SLC20A2: variants seen among roughly 807,000 people sequenced by gnomAD.
SLC20A2 encodes the protein sodium-dependent phosphate transporter 2.
SLC20A2 carries 30 observed loss-of-function variants against 61.0 expected under a neutral mutation model. The observed-to-expected ratio is 0.49, with a 90% CI of 0.37 to 0.67. The LOEUF is 0.67. Among genes scored for constraint, SLC20A2 ranks in the 30% least tolerant of loss-of-function variants. The probability of loss-of-function intolerance (pLI) is 0.00; values close to 1 mark genes in which losing one functional copy is unlikely to be tolerated. For missense variants in SLC20A2, 626 were observed against 866.4 expected, an observed-to-expected ratio of 0.72 and a Z score of 3.48; for synonymous variants, 351 against 353.3, an observed-to-expected ratio of 0.99 and a Z score of 0.07.
chr8:42,442,912 A>G (rs925183695), intron 6 of SLC20A2, among the ~76,000 whole-genome samples: 1 of 152,186 alleles, frequency 6.6e-6, no homozygotes, highest in African/African-American at 2.4e-5. Context: ...GTACATGCTG[A>G]GACCAAATGT....
intron 1 of SLC20A2, among the ~76,000 whole-genome samples, chr8:42,540,313 A>G (rs1813015767): frequency 6.6e-6 from 1 of 152,168 alleles, no homozygotes; most frequent in Admixed American, 6.5e-5. Flanking sequence ...CAATAACAAT[A>G]ATGTACACGT....
chr8:42,526,424 A>G (rs781496226), intron 1 of SLC20A2, among the ~76,000 whole-genome samples: 1 of 152,066 alleles, frequency 6.6e-6, no homozygotes, highest in Non-Finnish European at 1.5e-5. Context: ...CTGTAATCCC[A>G]GGACTTTGGG....
intron 2 of SLC20A2, among the ~76,000 whole-genome samples, chr8:42,468,692 C>T (rs1186096508): frequency 6.9e-6 from 1 of 145,442 alleles, no homozygotes; most frequent in Admixed American, 7.2e-5. Context: ...CATTCCCGTG[C>T]AGATGAAAGA....
chr8:42,482,835 G>T (rs916753928), intron 1 of SLC20A2, among the ~76,000 whole-genome samples: 1 of 152,046 alleles, frequency 6.6e-6, no homozygotes, highest in African/African-American at 2.4e-5. Flanking sequence ...AGACCAGCCT[G>T]GCCAACATGG....
chr8:42,471,965 A>C, intron 2 of SLC20A2, 137 bp downstream of exon 2: 1 of 712,768 alleles, frequency 1.4e-6, no homozygotes, highest in Non-Finnish European at 2.4e-6. Context: ...AAGCAAAAAT[A>C]AGAGAGTAAA....
intron 1 of SLC20A2, among the ~76,000 whole-genome samples, chr8:42,537,366 G>A (rs1326632475): frequency 1.2e-5 from 1 of 86,730 alleles, no homozygotes; most frequent in African/African-American, 5.0e-5. Context: ...GTGAGACCCT[G>A]TCTCAAAAAA....
Position 42,417,158 on chromosome 8 carries a change from TA to T in SLC20A2, c.*644del, listed in dbSNP as rs1353449504. The T allele has an allele frequency of 6.5e-6, 1 of 152,760 alleles. No individual in the cohort carries two copies. Among genetic ancestry groups the T allele is most frequent in the South Asian group, 2.1e-4 (1 of 4,838 alleles). 9.5% of individuals were successfully genotyped at this position (152,760 alleles called of 1,614,324 possible). Reference sequence around the variant, plus strand: ...AAAAAGTATAAGGGAAGCACACCATTAAAAAATTACAGTTTTACGTATTTAC... The same window carrying T: ...AAAAAGTATAAGGGAAGCACACCATTAAAAATTACAGTTTTACGTATTTAC... On this transcript the variant is annotated 3_prime_UTR_variant, in exon 11 of 11. Transcript: ENST00000520262.
intron 1 of SLC20A2, among the ~76,000 whole-genome samples, chr8:42,494,339 T>A (rs1207464368): frequency 1.3e-5 from 2 of 151,752 alleles, no homozygotes; most frequent in Admixed American, 6.6e-5. Context: ...AAATATAAAG[T>A]CAAAATAAAA....
rs377123419 is a variant in SLC20A2, at chr8:42,430,105, G to C, written c.1668C>G (p.Ile556Met). The C allele has an allele frequency of 6.2e-7, 1 of 1,613,570 alleles. No homozygotes were observed. The highest frequency in any genetic ancestry group is 8.5e-7 in the Non-Finnish European group (1 of 1,179,856). Reference sequence around the variant, plus strand: ...GAGTGAGGTCCTTCCCCATGGTCTGGATCACTCTTCTCCCCCAGACCCAGA... The same window carrying C: ...GAGTGAGGTCCTTCCCCATGGTCTGCATCACTCTTCTCCCCCAGACCCAGA... Reference protein sequence around the residue: ...TGLWVWGRRVIQTMGKDLTPI... With the variant: ...TGLWVWGRRVMQTMGKDLTPI... The change falls in exon 9 of 11, where the codon ATC becomes ATG. Residue 556 changes from isoleucine (I) to methionine (M), a missense_variant. Ile to Met is a conservative substitution (Grantham distance 10). Around this residue, in one of 3 missense-constraint regions of SLC20A2, gnomAD observed 138 missense variants for 228.7 expected, o/e 0.60. Coordinates refer to ENST00000520262, the MANE Select transcript of SLC20A2 (RefSeq NM_001257180.2).
chr8:42,507,816 G>T (rs1810796084), intron 1 of SLC20A2, among the ~76,000 whole-genome samples: 1 of 152,174 alleles, frequency 6.6e-6, no homozygotes, highest in Admixed American at 6.5e-5. Context: ...AAAGTTAAAA[G>T]TTCATTCCAA....
chr8:42,539,470 C>G (rs1291855499), intron 1 of SLC20A2, among the ~76,000 whole-genome samples: 1 of 152,166 alleles, frequency 6.6e-6, no homozygotes, highest in Non-Finnish European at 1.5e-5. Context: ...CAATACTAAG[C>G]ATATGTTCAA....
upstream of SLC20A2, among the ~76,000 whole-genome samples, chr8:42,503,105 A>G (rs370653037): frequency 7.9e-5 from 12 of 152,340 alleles, no homozygotes; most frequent in South Asian, 1.5e-3. Flanking sequence ...TATGCCTAGT[A>G]TGACTCTGCT....
chr8:42,426,480 G>A (rs1563439663), intron 10 of SLC20A2, among the ~76,000 whole-genome samples: 1 of 152,228 alleles, frequency 6.6e-6, no homozygotes, highest in Non-Finnish European at 1.5e-5. Context: ...CAGATCACCT[G>A]AGGTCAGGAG....
chr8:42,534,103 G>C (rs918702175), intron 1 of SLC20A2, among the ~76,000 whole-genome samples: 1 of 151,944 alleles, frequency 6.6e-6, no homozygotes, highest in African/African-American at 2.4e-5. Flanking sequence ...GATCACCTGA[G>C]GTTGCGAGTT....
chr8:42,528,121 G>A (rs564591809), intron 1 of SLC20A2, among the ~76,000 whole-genome samples: 14 of 152,246 alleles, frequency 9.2e-5, no homozygotes, highest in African/African-American at 3.4e-4. Flanking sequence ...TTTGGAAAAG[G>A]TGTATACCAC....
At position 42,459,989 on chromosome 8, in the gene SLC20A2, C is replaced by A. The variant is rs748986588; in HGVS notation, c.520G>T (p.Asp174Tyr). ...LIRIFILKKE[D>Y]PVPNGLRALP... is the part of the protein sequence containing the mutation. ...GCCCGGAGGCCATTGGGAACAGGGT[C>A]TTCCTGTAGGAAGACAAGGAGACAG... The change falls in exon 5 of 11, where the codon GAC becomes TAC. Residue 174 changes from aspartate (D) to tyrosine (Y), a missense_variant. By Grantham distance (160) the Asp-to-Tyr change is radical. Around this residue, in one of 3 missense-constraint regions of SLC20A2, gnomAD observed 361 missense variants for 422.3 expected, o/e 0.85. Coordinates refer to ENST00000520262, the MANE Select transcript of SLC20A2 (RefSeq NM_001257180.2). 23 of 1,594,224 alleles carry A rather than the reference C, an allele frequency of 1.4e-5. No individual in the cohort carries two copies. Among genetic ancestry groups the A allele is most frequent in the Non-Finnish European group, 1.9e-5 (22 of 1,162,648 alleles).
At chr8:42,502,044 T>G (rs575547599), upstream of SLC20A2, among the ~76,000 whole-genome samples, 3 of 152,362 alleles carry the variant, frequency 2.0e-5, no homozygotes, top group South Asian at 4.1e-4. Flanking sequence ...TAGTTTGCTT[T>G]AGACTAAGTT....
At chr8:42,518,294 G>C (rs1329282052) in intron 1 of SLC20A2, among the ~76,000 whole-genome samples, 1 of 152,134 alleles carries the variant, frequency 6.6e-6, no homozygotes, top group East Asian at 1.9e-4. Flanking sequence ...TCCATTCACA[G>C]GGAAATGGTT....
In SLC20A2 at chr8:42,472,834, A is replaced by C. The variant is rs1807754234; in HGVS notation, c.-264-180T>G. On this transcript the variant is annotated intron_variant, in intron 1 of 10. Transcript: ENST00000520262. The surrounding 1 kb of genome is among the most constrained non-coding windows in gnomAD (Gnocchi z 4.1). Reference sequence around the variant, plus strand: ...GATAACCACCCCCAACCAAAAACACAAAAAAACCTGCTTTCTAGAATTGTC... The same window carrying C: ...GATAACCACCCCCAACCAAAAACACCAAAAAACCTGCTTTCTAGAATTGTC... Among the ~76,000 whole-genome samples the C allele has an allele frequency of 6.6e-6, 1 of 152,184 alleles. No homozygotes were observed.
Sources: gnomAD v4.1 joint callset for allele counts (sites outside exome capture counted in the v4.1 genomes callset) on GRCh38, gnomAD v4.1.1 for gene constraint, gnomAD v4.1.1 regional missense constraint, Gnocchi (gnomAD v3.1) non-coding constraint, MANE v1.5 for transcripts, NCBI Gene and HGNC (gene_info 2026-07-23, HGNC 2026-07-21) for gene names.